TNNI3K: variants seen among roughly 807,000 people sequenced by gnomAD.
TNNI3K encodes the protein TNNI3 interacting kinase, also known as serine/threonine-protein kinase TNNI3K.
Under a neutral mutation model 114.5 loss-of-function variants are expected in TNNI3K, and 140 were observed. The ratio of observed to expected loss-of-function variants is 1.22; its 90% CI spans 1.07 to 1.41. TNNI3K has a LOEUF of 1.41. TNNI3K is among the 40% of genes most tolerant of loss of function. The probability of loss-of-function intolerance (pLI) is 0.00; values close to 1 mark genes in which losing one functional copy is unlikely to be tolerated. For missense variants in TNNI3K, 1,125 were observed against 1,007.6 expected (o/e 1.12, Z -1.58); for synonymous variants, 347 against 347.5 (o/e 1.00, Z 0.02).
At chr1:74,477,756 C>T (rs1306152054) in intron 21 of TNNI3K, among the ~76,000 whole-genome samples, 1 of 152,124 alleles carries the variant, frequency 6.6e-6, no homozygotes, top group Non-Finnish European at 1.5e-5. Context: ...GCAAAAGCAG[C>T]AAATGAAGCT....
chr1:74,465,507 T>C (rs1667634936), intron 21 of TNNI3K, among the ~76,000 whole-genome samples: 1 of 152,178 alleles, frequency 6.6e-6, no homozygotes, highest in African/African-American at 2.4e-5. Context: ...ACGGCAGGGC[T>C]TGGGACTTGC....
chr1:74,236,008 T>TA (rs1467154405), intron 1 of TNNI3K, 94 bp from the exon 2 acceptor site: 51 of 858,034 alleles, frequency 5.9e-5, no homozygotes, highest in Non-Finnish European at 8.0e-5. Context: ...GAATCTAGAA[T>TA]AAAAAACAGT....
intron 23 of TNNI3K, among the ~76,000 whole-genome samples, chr1:74,518,656 G>A (rs1646383270): frequency 1.3e-5 from 2 of 152,134 alleles, no homozygotes; most frequent in East Asian, 3.9e-4. Flanking sequence ...ATAATGCATC[G>A]CTAATAGTGT....
chr1:74,360,178 T>C (rs1344725795), intron 11 of TNNI3K, among the ~76,000 whole-genome samples: 1 of 151,946 alleles, frequency 6.6e-6, no homozygotes, highest in Non-Finnish European at 1.5e-5. Flanking sequence ...ATAACTGCCC[T>C]TTTTTGTCCT....
intron 5 of TNNI3K, among the ~76,000 whole-genome samples, chr1:74,310,654 A>G (rs1395055056): frequency 6.6e-6 from 1 of 152,154 alleles, no homozygotes; most frequent in Non-Finnish European, 1.5e-5. Context: ...AAAACCTAGA[A>G]ATAAAGAATA....
chr1:74,467,294 T>TAA (rs1557584508), intron 21 of TNNI3K, among the ~76,000 whole-genome samples: 169 of 152,328 alleles, frequency 1.1e-3, no homozygotes, highest in African/African-American at 3.8e-3. Context: ...ACTAACATCA[T>TAA]GCTATTCTGG....
At chr1:74,278,140 T>TTTCC (rs58800300) in intron 5 of TNNI3K, among the ~76,000 whole-genome samples, 3 of 151,450 alleles carry the variant, frequency 2.0e-5, no homozygotes, top group African/African-American at 7.3e-5. Flanking sequence ...TCTCTCTCTC[T>TTTCC]CTTATTTTTA....
At chr1:74,445,628 T>TTTTTGTG (rs1666614017) in intron 20 of TNNI3K, among the ~76,000 whole-genome samples, 1 of 147,452 alleles carries the variant, frequency 6.8e-6, no homozygotes, top group African/African-American at 2.5e-5. Context: ...TTCTTTTTTT[T>TTTTTGTG]GAGACGGAGT....
At chr1:74,489,329 G>T in intron 22 of TNNI3K, 81 bp downstream of exon 22, 1 of 1,456,630 alleles carries the variant, frequency 6.9e-7, no homozygotes, top group Non-Finnish European at 9.4e-7. Context: ...ATGAGCTGGT[G>T]CTTATGAAAA....
Position 74,367,418 on chromosome 1 carries a change from A to G in TNNI3K, c.1264+76A>G, listed in dbSNP as rs1348930211. ...AAGGTAAACCTGTGTTTCTGTTACT[A>G]TCATTCTTTCAGGGGTTAGGGAGGA... On this transcript the variant is annotated intron_variant, in intron 12 of 24. Coordinates refer to ENST00000326637, the MANE Select transcript of TNNI3K (RefSeq NM_015978.3). The G allele has an allele frequency of 3.9e-6, 6 of 1,522,092 alleles. No individual in the cohort carries two copies. In the South Asian group the frequency reaches 4.6e-5, roughly 12 times the overall value. The allele number at this position is 1,522,092 out of a possible 1,614,324, so 94.3% of individuals were successfully genotyped here.
intron 17 of TNNI3K, among the ~76,000 whole-genome samples, chr1:74,393,329 C>T (rs190198150): frequency 6.6e-6 from 1 of 151,876 alleles, no homozygotes; most frequent in East Asian, 1.9e-4. Context: ...AAATTATTCT[C>T]AAGCATTTTC....
chr1:74,543,519 A>G (rs1646752046), intron 24 of TNNI3K, among the ~76,000 whole-genome samples: 1 of 152,236 alleles, frequency 6.6e-6, no homozygotes. Flanking sequence ...ACACCGAGGC[A>G]TAGAAAGGTT....
At chr1:74,435,311 TAA>T (rs1666073295) in intron 17 of TNNI3K, among the ~76,000 whole-genome samples, 2 of 152,082 alleles carry the variant, frequency 1.3e-5, no homozygotes, top group South Asian at 4.1e-4. Context: ...AATTAACAAA[TAA>T]AAGTTATACG....
intron 2 of TNNI3K, among the ~76,000 whole-genome samples, chr1:74,248,651 C>T (rs1227833712): frequency 6.6e-6 from 1 of 152,022 alleles, no homozygotes; most frequent in Non-Finnish European, 1.5e-5. Flanking sequence ...AAAATTACAC[C>T]TCAAAATGAA....
intron 5 of TNNI3K, among the ~76,000 whole-genome samples, chr1:74,300,421 T>C (rs1407251825): frequency 6.6e-6 from 1 of 152,176 alleles, no homozygotes; most frequent in African/African-American, 2.4e-5. Flanking sequence ...ATAACTAAGA[T>C]ATATGTTATT....
chr1:74,272,330 A>G (rs554257997), intron 5 of TNNI3K, among the ~76,000 whole-genome samples: 23 of 152,090 alleles, frequency 1.5e-4, no homozygotes, highest in Admixed American at 1.2e-3. Flanking sequence ...ATTAGTAGTG[A>G]GTACCATAAA....
At position 74,244,870 on chromosome 1, in the gene TNNI3K, T is replaced by G. The variant is rs532802170; in HGVS notation, c.150-4589T>G. Among the ~76,000 whole-genome samples, 36 of 152,214 alleles carry G rather than the reference T, an allele frequency of 2.4e-4. No homozygotes were observed. In the South Asian group the frequency reaches 7.3e-3, roughly 31 times the overall value. ...AATAAAGTGATTTTCATCTCAACTTTAACTTTTTACCCTCCTTTGCATTTT... is the reference window on the plus strand; with the variant it reads ...AATAAAGTGATTTTCATCTCAACTTGAACTTTTTACCCTCCTTTGCATTTT... On this transcript the variant is annotated intron_variant, in intron 2 of 24. Transcript: ENST00000326637.
At chr1:74,514,678 C>T (rs929769650) in intron 23 of TNNI3K, among the ~76,000 whole-genome samples, 2 of 152,050 alleles carry the variant, frequency 1.3e-5, no homozygotes, top group Non-Finnish European at 1.5e-5. Context: ...TATCTAATCC[C>T]AAAGCCATGT....
Position 74,475,116 on chromosome 1 carries a change from C to CCCCA in TNNI3K, c.2121+11567_2121+11568insCCAC, listed in dbSNP as rs371437916. On this transcript the variant is annotated intron_variant, in intron 21 of 24. Transcript: ENST00000326637. Reference sequence around the variant, plus strand: ...AAGAACACTTCATCTCCACCTCAGCCCACACACACACACACACACACACAC... The same window carrying CCCCA: ...AAGAACACTTCATCTCCACCTCAGCCCCCACACACACACACACACACACACACAC... Among the ~76,000 whole-genome samples the CCCCA allele has an allele frequency of 1.0e-4, 14 of 135,994 alleles. No homozygotes were observed. The South Asian group carries it at 1.3e-3, about 13-fold the overall frequency. 89.2% of individuals were successfully genotyped at this position (135,994 alleles called of 152,430 possible). A position where few individuals can be genotyped will look rare whatever the true frequency, so the allele number is the denominator to read the frequency against.
Sources: allele counts gnomAD v4.1 joint callset (sites outside exome capture counted in the v4.1 genomes callset), GRCh38; gene constraint gnomAD v4.1.1; transcripts MANE v1.5; gene names NCBI Gene and HGNC (gene_info 2026-07-23, HGNC 2026-07-21).